LIPE: variants seen among roughly 807,000 people sequenced by gnomAD.
LIPE encodes lipase E, hormone sensitive type.
A neutral mutation model predicts 88.5 loss-of-function variants in LIPE; 66 were observed. The observed-to-expected ratio is 0.75, with a 90% CI of 0.61 to 0.91. The LOEUF (loss-of-function observed/expected upper bound fraction) is 0.91, where lower values mean the gene tolerates loss of function less well. Ranked by LOEUF, LIPE falls within the 40% of genes least tolerant of loss-of-function variation. The pLI is 0.00. For missense variants in LIPE, 1,346 were observed against 1,434.7 expected (o/e 0.94, Z 1.00); for synonymous variants, 570 against 617.5 (o/e 0.92, Z 1.14).
intron 8 of LIPE, among the ~76,000 whole-genome samples, chr19:42,403,539 C>T (rs1421492026): frequency 2.6e-5 from 4 of 151,658 alleles, no homozygotes; most frequent in Non-Finnish European, 5.9e-5. Context: ...CCTCCACCTC[C>T]CAGGTTCAAG....
rs763240801 is a variant in LIPE at position 42,410,692 on chromosome 19, G to A, written c.1034C>T (p.Ala345Val). Residue 345 changes from alanine (A) to valine (V), a missense_variant, in exon 2 of 10, where the codon GCG becomes GTG. By Grantham distance (64) the Ala-to-Val change is moderately conservative. Coordinates refer to ENST00000244289, the MANE Select transcript of LIPE (RefSeq NM_005357.4). The surrounding 1 kb of genome is among the most constrained non-coding windows in gnomAD (Gnocchi z 6.1). Reference sequence around the variant, plus strand: ...GCCCAGGGCCGGCTCCAGCCCCAGCGCCTGCTCCCGTACACCGGCAAAAAC... The same window carrying A: ...GCCCAGGGCCGGCTCCAGCCCCAGCACCTGCTCCCGTACACCGGCAAAAAC... ...SGVFAGVREQ[A>V]LGLEPALGRL... The A allele has an allele frequency of 1.5e-5, 25 of 1,612,918 alleles. No homozygotes were observed. The highest frequency in any genetic ancestry group is 2.7e-5 in the African/African-American group (2 of 74,908).
At position 42,408,584 on chromosome 19, in the gene LIPE, G is replaced by A. The variant is rs2040269244; in HGVS notation, c.1420-262C>T. On this transcript the variant is annotated intron_variant, in intron 2 of 9. Transcript: ENST00000244289. This position sits in a 1 kb window ranked among gnomAD's most constrained non-coding sequence, Gnocchi z 4.3. ...GGTTTGGAAAAAAAAAAAGGCAGTA[G>A]GTGGAGAGGGCACCAGTGATGACTA... is the stretch of plus-strand genomic sequence containing the variant. 2 of 481,722 alleles carry A rather than the reference G, an allele frequency of 4.2e-6. No individual in the cohort carries two copies. The highest frequency in any genetic ancestry group is 7.6e-6 in the Non-Finnish European group (2 of 262,382). The allele number at this position is 481,722 out of a possible 1,614,324, so 29.8% of individuals were successfully genotyped here.
chr19:42,413,170 C>T (rs886460176), intron 1 of LIPE, among the ~76,000 whole-genome samples: 1 of 152,234 alleles, frequency 6.6e-6, no homozygotes, highest in African/African-American at 2.4e-5. Flanking sequence ...AGTTGCTTCT[C>T]CCCAGCTAAG....
At chr19:42,424,103 C>T (rs1176269205) in intron 1 of LIPE, 3 of 1,189,678 alleles carry the variant, frequency 2.5e-6, no homozygotes, top group African/African-American at 1.6e-5. Context: ...AGGAGGGAGC[C>T]CCGCTTTCCC....
intron 1 of LIPE, chr19:42,423,459 C>T (rs2147673011): frequency 7.8e-7 from 1 of 1,289,336 alleles, no homozygotes; most frequent in Non-Finnish European, 1.0e-6. Flanking sequence ...GACCGTGGCT[C>T]CTTGAGCCCT....
At chr19:42,416,065 G>A (rs950012901) in intron 1 of LIPE, among the ~76,000 whole-genome samples, 4 of 152,256 alleles carry the variant, frequency 2.6e-5, no homozygotes, top group South Asian at 2.1e-4. Context: ...GGTGACGGCC[G>A]GGCATCGTGG....
chr19:42,401,537 C>A lies in LIPE; in HGVS notation c.*275G>T, dbSNP rs2039969090. 1 of 454,046 alleles carries A rather than the reference C, an allele frequency of 2.2e-6. No homozygotes were observed. Among genetic ancestry groups the A allele is most frequent in the South Asian group, 3.8e-5 (1 of 26,186 alleles). The allele number at this position is 454,046 out of a possible 1,614,324, so 28.1% of individuals were successfully genotyped here. ...ACTAATTAAATACTTTTATTTACAA[C>A]AAACCAAACCGACCTGCAAGGGAGG... On this transcript the variant is annotated 3_prime_UTR_variant, in exon 10 of 10. Transcript: ENST00000244289.
chr19:42,407,025 T>G lies in LIPE; in HGVS notation c.2137+149A>C. Reference sequence around the variant, plus strand: ...GGGACAGAGGATAAAGTGGCTGAGGTGGAAGATTGGGCAGGACCTGGGTGA... The same window carrying G: ...GGGACAGAGGATAAAGTGGCTGAGGGGGAAGATTGGGCAGGACCTGGGTGA... On this transcript the variant is annotated intron_variant, in intron 6 of 9. Coordinates refer to ENST00000244289, the MANE Select transcript of LIPE (RefSeq NM_005357.4). This position sits in a 1 kb window ranked among gnomAD's most constrained non-coding sequence, Gnocchi z 5.8. 2.9e-6 allele frequency: 2 copies of G among 681,550 alleles called. No homozygotes were observed. Among genetic ancestry groups the G allele is most frequent in the East Asian group, 2.8e-5 (1 of 35,508 alleles). The allele number at this position is 681,550 out of a possible 1,614,324, so 42.2% of individuals were successfully genotyped here. A position where few individuals can be genotyped will look rare whatever the true frequency, so the allele number is the denominator to read the frequency against.
In LIPE at chr19:42,406,435, G is replaced by A. The variant is rs749990004; in HGVS notation, c.2138-47C>T. Reference sequence around the variant, plus strand: ...TGGTGACAACCTGGCAGGGGCAGAGGCCTGGGGAGGAGGGCAGGGAGGAAC... The same window carrying A: ...TGGTGACAACCTGGCAGGGGCAGAGACCTGGGGAGGAGGGCAGGGAGGAAC... On this transcript the variant is annotated intron_variant, in intron 6 of 9. Coordinates refer to ENST00000244289, the MANE Select transcript of LIPE (RefSeq NM_005357.4). The surrounding 1 kb of genome is among the most constrained non-coding windows in gnomAD (Gnocchi z 5.7). 4 of 1,541,174 alleles carry A rather than the reference G, an allele frequency of 2.6e-6. No individual in the cohort carries two copies. Among genetic ancestry groups the A allele is most frequent in the South Asian group, 1.1e-5 (1 of 89,006 alleles).
In LIPE at chr19:42,410,757, C is replaced by T. The variant is rs375228093; in HGVS notation, c.969G>A (p.Ser323=). The change falls in exon 2 of 10, where the codon TCG becomes TCA. Residue 323 remains serine (S), a synonymous_variant. Transcript: ENST00000244289. This position sits in a 1 kb window ranked among gnomAD's most constrained non-coding sequence, Gnocchi z 6.1. The stretch of plus-strand genomic sequence containing the variant: ...GGGCCGTTTCCCCAGGACCCTGGCT[C>T]GAGAAGAAGGCTATGTTGTCCTCCG... ...TLAEDNIAFF[S]SQGPGETAQR... 10 of 1,612,930 alleles carry T rather than the reference C, an allele frequency of 6.2e-6. No homozygotes were observed. The highest frequency in any genetic ancestry group is 2.7e-5 in the African/African-American group (2 of 74,920).
Position 42,414,827 on chromosome 19 carries a change from T to C in LIPE, c.884-3985A>G, listed in dbSNP as rs1231423016. On this transcript the variant is annotated intron_variant, in intron 1 of 9. Coordinates refer to ENST00000244289, the MANE Select transcript of LIPE (RefSeq NM_005357.4). This position sits in a 1 kb window ranked among gnomAD's most constrained non-coding sequence, Gnocchi z 4.6. ...TTGTGAGTGGGGGCACCACCAACCATGTCCACGTAAGAGGGCGAACTTTAC... is the reference window on the plus strand; with the variant it reads ...TTGTGAGTGGGGGCACCACCAACCACGTCCACGTAAGAGGGCGAACTTTAC... Among the ~76,000 whole-genome samples the C allele has an allele frequency of 6.6e-6, 1 of 152,234 alleles. No individual in the cohort carries two copies. Among genetic ancestry groups the C allele is most frequent in the African/African-American group, 2.4e-5 (1 of 41,438 alleles).
In LIPE at chr19:42,424,077, G is replaced by C. The variant is rs1026622970; in HGVS notation, c.883+2190C>G. 3.4e-6 allele frequency: 4 copies of C among 1,188,848 alleles called. No individual in the cohort carries two copies. In the Admixed American group the frequency reaches 1.1e-4, roughly 33 times the overall value. The allele number at this position is 1,188,848 out of a possible 1,614,324, so 73.6% of individuals were successfully genotyped here. ...GCGCCAGCGCTGGAGGCGTGGCTGT[G>C]CCTGAGAGCCGTTGGAGGAGGGAGC... On this transcript the variant is annotated intron_variant, in intron 1 of 9. Coordinates refer to ENST00000244289, the MANE Select transcript of LIPE (RefSeq NM_005357.4).
Position 42,408,257 on chromosome 19 carries a change from G to A in LIPE, c.1485C>T (p.His495=). Residue 495 remains histidine (H), a synonymous_variant, in exon 3 of 10, where the codon CAC becomes CAT. Coordinates refer to ENST00000244289, the MANE Select transcript of LIPE (RefSeq NM_005357.4). This position sits in a 1 kb window ranked among gnomAD's most constrained non-coding sequence, Gnocchi z 4.3. ...ISIGLVSFGE[H]YKRNETGLSV... ...TGAGGCCTGTCTCGTTGCGTTTGTA[G>A]TGCTCCCCGAAGGACACCAGCCCAA... 6.2e-7 allele frequency: 1 copy of A among 1,614,102 alleles called. No individual in the cohort carries two copies. The highest frequency in any genetic ancestry group is 1.1e-5 in the South Asian group (1 of 91,080).
In LIPE at chr19:42,401,695, GCCCCC is replaced by G. The variant is rs2147548592; in HGVS notation, c.*112_*116del. The G allele has an allele frequency of 1.8e-5, 6 of 326,236 alleles. No homozygotes were observed. Among genetic ancestry groups the G allele is most frequent in the East Asian group, 1.5e-4 (2 of 13,306 alleles). 20.2% of individuals were successfully genotyped at this position (326,236 alleles called of 1,614,324 possible). A position where few individuals can be genotyped will look rare whatever the true frequency, so the allele number is the denominator to read the frequency against. On this transcript the variant is annotated 3_prime_UTR_variant, in exon 10 of 10. Transcript: ENST00000244289. ...CCGTGGCGAGGGTCTCAGCTTTCGGGCCCCCGCCCCGCCCCCTTGCCACCCCCGAC... is the reference window on the plus strand; with the variant it reads ...CCGTGGCGAGGGTCTCAGCTTTCGGGGCCCCGCCCCCTTGCCACCCCCGAC...
Position 42,407,792 on chromosome 19 carries a change from C to T in LIPE, c.1657-1G>A. ...TGGCCGATGCCATGTTGGCCAGAGA[C>T]TGGAGGGAGGGGACAGAAGGGGTGC... On this transcript the variant is annotated splice_acceptor_variant, in intron 4 of 9. Coordinates refer to ENST00000244289, the MANE Select transcript of LIPE (RefSeq NM_005357.4). LOFTEE classifies it high-confidence loss of function. The surrounding 1 kb of genome is among the most constrained non-coding windows in gnomAD (Gnocchi z 5.8). 2 of 1,547,284 alleles carry T rather than the reference C, an allele frequency of 1.3e-6. No homozygotes were observed. The highest frequency in any genetic ancestry group is 1.4e-5 in the African/African-American group (1 of 73,036).
At position 42,401,979 on chromosome 19, in the gene LIPE, G is replaced by A. The variant is rs1277991531; in HGVS notation, c.3064C>T (p.Leu1022=). The change falls in exon 10 of 10, where the codon CTG becomes TTG. Residue 1022 remains leucine, a synonymous_variant. Coordinates refer to ENST00000244289, the MANE Select transcript of LIPE (RefSeq NM_005357.4). ...QPVTLRVVED[L]PHGFLTLAAL... ...GCTAGGGTCAGGAAGCCGTGCGGCAGGTCCTCCACCACGCGCAGCGTCACC... is the reference window on the plus strand; with the variant it reads ...GCTAGGGTCAGGAAGCCGTGCGGCAAGTCCTCCACCACGCGCAGCGTCACC... 1.3e-6 allele frequency: 2 copies of A among 1,556,268 alleles called. No homozygotes were observed. Among genetic ancestry groups the A allele is most frequent in the Admixed American group, 1.9e-5 (1 of 51,978 alleles).
chr19:42,426,774 G>C lies in LIPE; in HGVS notation c.376C>G (p.Gln126Glu), dbSNP rs1014528635. 11 of 1,613,972 alleles carry C rather than the reference G, an allele frequency of 6.8e-6. No homozygotes were observed. The highest frequency in any genetic ancestry group is 9.3e-6 in the Non-Finnish European group (11 of 1,180,024). ...GPGLGKESIT[Q>E]QEPALRQRHV... is the part of the protein sequence containing the mutation. ...CTTTGTCTCAATGCTGGCTCCTGTT[G>C]AGTTATAGATTCTTTTCCTAGCCCA... The change falls in exon 1 of 10, where the codon CAA becomes GAA. Residue 126 changes from glutamine (Q) to glutamate (E), a missense_variant. Gln to Glu is a conservative substitution (Grantham distance 29, BLOSUM62 2). Coordinates refer to ENST00000244289, the MANE Select transcript of LIPE (RefSeq NM_005357.4).
In LIPE at chr19:42,410,292, G is replaced by C. The variant is rs777622859; in HGVS notation, c.1419+15C>G. ...TTCATTGTGGGCCCAGAGGGGCACG[G>C]GGCAGGGGGCTCACCTGGAAGCCCA... On this transcript the variant is annotated intron_variant, in intron 2 of 9. Transcript: ENST00000244289. This position sits in a 1 kb window ranked among gnomAD's most constrained non-coding sequence, Gnocchi z 6.1. 108 of 1,550,136 alleles carry C rather than the reference G, an allele frequency of 7.0e-5. No individual in the cohort carries two copies. Among genetic ancestry groups the C allele is most frequent in the Admixed American group, 2.3e-4 (12 of 51,450 alleles).
At position 42,401,958 on chromosome 19, in the gene LIPE, G is replaced by C; in HGVS notation, c.3085C>G (p.Leu1029Val). Residue 1029 changes from leucine (L) to valine (V), a missense_variant, in exon 10 of 10, where the codon CTA (leucine) becomes GTA (valine). Leu to Val is a conservative substitution (Grantham distance 32). Coordinates refer to ENST00000244289, the MANE Select transcript of LIPE (RefSeq NM_005357.4). ...CGCGTCTCGCGGCACAGCGCCGCTA[G>C]GGTCAGGAAGCCGTGCGGCAGGTCC... is the stretch of plus-strand genomic sequence containing the variant. ...VEDLPHGFLT[L>V]AALCRETRQA... The C allele has an allele frequency of 6.4e-7, 1 of 1,557,974 alleles. No homozygotes were observed. The highest frequency in any genetic ancestry group is 8.7e-7 in the Non-Finnish European group (1 of 1,155,278).
Sources: allele counts gnomAD v4.1 joint callset (sites outside exome capture counted in the v4.1 genomes callset), GRCh38; gene constraint gnomAD v4.1.1; non-coding constraint Gnocchi (gnomAD v3.1); transcripts MANE v1.5; gene names NCBI Gene and HGNC (gene_info 2026-07-23, HGNC 2026-07-21).